The following ARHGAP8 variants were observed in gnomAD, a reference collection of about 807,000 sequenced individuals.
ARHGAP8 encodes rho GTPase-activating protein 8.
A neutral mutation model predicts 46.1 loss-of-function variants in ARHGAP8; 62 were observed. The observed-to-expected ratio is 1.34, with a 90% confidence interval of 1.10 to 1.66. ARHGAP8 has a LOEUF of 1.66. Ranked by LOEUF, ARHGAP8 falls within the 40% of genes most tolerant of loss-of-function variation. The pLI, the probability that ARHGAP8 is intolerant of heterozygous loss-of-function variation, is 0.00. For missense variants in ARHGAP8, 923 were observed against 568.4 expected (o/e 1.62, Z -6.34); for synonymous variants, 375 against 243.1 (o/e 1.54, Z -5.05).
intron 1 of ARHGAP8, among the ~76,000 whole-genome samples, chr22:44,776,467 A>G (rs537674319): frequency 6.6e-6 from 1 of 152,120 alleles, no homozygotes; most frequent in Non-Finnish European, 1.5e-5. Context: ...AAAAAGAAAA[A>G]AAAAAGTAGG....
intron 1 of ARHGAP8, among the ~76,000 whole-genome samples, chr22:44,773,802 T>G (rs1156855551): frequency 6.6e-6 from 1 of 152,202 alleles, no homozygotes; most frequent in Non-Finnish European, 1.5e-5. Flanking sequence ...AGGTTGGTCT[T>G]GAACTCCTGG....
At chr22:44,848,095 G>A (rs754785952) in intron 9 of ARHGAP8, 45 bp downstream of exon 9, 39 of 1,598,898 alleles carry the variant, frequency 2.4e-5, no homozygotes, top group African/African-American at 5.3e-5. Flanking sequence ...CCTGGTCAGC[G>A]AGCACAGCGC....
intron 2 of ARHGAP8, among the ~76,000 whole-genome samples, chr22:44,799,107 C>A (rs944857610): frequency 5.3e-5 from 8 of 152,238 alleles, no homozygotes; most frequent in Non-Finnish European, 1.2e-4. Context: ...AGATGAGCAC[C>A]CTCACAGAAG....
intron 2 of ARHGAP8, among the ~76,000 whole-genome samples, chr22:44,800,631 C>T (rs1928440594): frequency 1.8e-5 from 1 of 56,102 alleles, no homozygotes; most frequent in African/African-American, 9.4e-5. Flanking sequence ...TGGGGGGCGC[C>T]CCTCCCCGCA....
intron 1 of ARHGAP8, among the ~76,000 whole-genome samples, chr22:44,762,900 G>T (rs1925252692): frequency 2.0e-5 from 3 of 152,140 alleles, no homozygotes; most frequent in Admixed American, 2.0e-4. Flanking sequence ...GACTCAAGGA[G>T]GGGCCTAGAT....
chr22:44,816,949 C>A (rs7291273), intron 5 of ARHGAP8, among the ~76,000 whole-genome samples: 23,403 of 149,906 alleles, frequency 0.16, 3,292 homozygotes, highest in East Asian at 0.36. Flanking sequence ...GCAATGGCGC[C>A]ATCTCGGCTC....
intron 2 of ARHGAP8, among the ~76,000 whole-genome samples, chr22:44,796,147 C>G (rs371421644): frequency 1.3e-5 from 2 of 152,194 alleles, no homozygotes; most frequent in Non-Finnish European, 2.9e-5. Context: ...CTGAACACCC[C>G]CTGAGGTTCC....
intron 5 of ARHGAP8, among the ~76,000 whole-genome samples, chr22:44,816,884 C>CTTTTTT (rs981732386): frequency 2.8e-4 from 32 of 115,078 alleles, no homozygotes; most frequent in African/African-American, 6.6e-4. Context: ...TTCTTTCTTT[C>CTTTTTT]TTTTTTTTTT....
intron 10 of ARHGAP8, chr22:44,859,528 C>T: frequency 1.7e-6 from 1 of 598,568 alleles, no homozygotes; most frequent in Non-Finnish European, 3.0e-6. Context: ...TATAAATAAC[C>T]CCATCTCAGC....
intron 2 of ARHGAP8, among the ~76,000 whole-genome samples, chr22:44,787,873 A>G (rs1336227658): frequency 1.3e-5 from 2 of 149,412 alleles, no homozygotes; most frequent in Non-Finnish European, 3.0e-5. Context: ...GGACAGCAAG[A>G]GGGCAGGACT....
In ARHGAP8 at chr22:44,807,117, C is replaced by A. The variant is rs1266813663; in HGVS notation, c.168-1190C>A. ...TCTGGGAGCTTCTGTCTGCAGAGCA[C>A]CCCACCCACAGCCTCAGAGAGTGGG... On this transcript the variant is annotated intron_variant, in intron 3 of 11. Coordinates refer to ENST00000356099, the MANE Select transcript of ARHGAP8 (RefSeq NM_181335.3). Among the ~76,000 whole-genome samples the A allele has an allele frequency of 4.6e-5, 7 of 152,284 alleles. No homozygotes were observed. In the East Asian group the frequency reaches 1.4e-3, roughly 29 times the overall value.
intron 2 of ARHGAP8, among the ~76,000 whole-genome samples, chr22:44,800,581 C>T (rs1928432048): frequency 7.9e-6 from 1 of 125,934 alleles, no homozygotes; most frequent in Admixed American, 7.5e-5. Context: ...CCGCAGCTGT[C>T]CATGTGTGGG....
chr22:44,803,477 C>T (rs1048709528), intron 3 of ARHGAP8, among the ~76,000 whole-genome samples: 2 of 151,152 alleles, frequency 1.3e-5, no homozygotes, highest in Non-Finnish European at 2.9e-5. Context: ...CTGTACATTA[C>T]CCCTCCTGGG....
At chr22:44,854,277 C>A (rs1156622722) in intron 10 of ARHGAP8, among the ~76,000 whole-genome samples, 1 of 142,862 alleles carries the variant, frequency 7.0e-6, no homozygotes, top group Non-Finnish European at 1.5e-5. Flanking sequence ...TGCTTTGTTG[C>A]CCAGGTTGGA....
At chr22:44,838,637 C>G (rs1410657333) in intron 7 of ARHGAP8, among the ~76,000 whole-genome samples, 7 of 152,204 alleles carry the variant, frequency 4.6e-5, no homozygotes, top group African/African-American at 1.4e-4. Flanking sequence ...CTTTCAGGAA[C>G]TCGTCCTCAT....
intron 1 of ARHGAP8, among the ~76,000 whole-genome samples, chr22:44,769,652 C>T (rs932402641): frequency 6.6e-6 from 1 of 152,010 alleles, no homozygotes; most frequent in African/African-American, 2.4e-5. Context: ...TTGTAGTTTT[C>T]TGTGTAAAGG....
chr22:44,837,836 A>C (rs1366587320), intron 7 of ARHGAP8, among the ~76,000 whole-genome samples: 1 of 152,198 alleles, frequency 6.6e-6, no homozygotes, highest in Non-Finnish European at 1.5e-5. Flanking sequence ...ATGCACGGGC[A>C]GTGGAAAACC....
intron 1 of ARHGAP8, among the ~76,000 whole-genome samples, chr22:44,784,403 CAAACA>C (rs917003270): frequency 2.6e-5 from 4 of 152,096 alleles, no homozygotes; most frequent in South Asian, 2.1e-4. Flanking sequence ...GACTCGGTCT[CAAACA>C]AAACAAAACA....
In ARHGAP8 at chr22:44,808,289, C is replaced by A. The variant is rs370106353; in HGVS notation, c.168-18C>A. The A allele has an allele frequency of 6.2e-7, 1 of 1,604,910 alleles. No homozygotes were observed. The highest frequency in any genetic ancestry group is 1.3e-5 in the African/African-American group (1 of 74,612). ...GAGTAGGTGATTTTCATAACTGAAT[C>A]TTCTGTGTTGTGCCCAGGTATTTGA... On this transcript the variant is annotated intron_variant, in intron 3 of 11. Transcript: ENST00000356099.
Sources: allele counts gnomAD v4.1 joint callset (sites outside exome capture counted in the v4.1 genomes callset), GRCh38; gene constraint gnomAD v4.1.1; transcripts MANE v1.5; gene names NCBI Gene and HGNC (gene_info 2026-07-23, HGNC 2026-07-21).